The following HERC2 variants were observed in gnomAD, a reference collection of about 807,000 sequenced individuals.
HERC2 encodes E3 ubiquitin-protein ligase HERC2.
HERC2 carries 102 observed loss-of-function variants against 537.7 expected under a neutral mutation model. The observed-to-expected ratio is 0.19, with a 90% CI of 0.16 to 0.22. The LOEUF (loss-of-function observed/expected upper bound fraction) is 0.22. Among genes scored for constraint, HERC2 ranks in the 10% least tolerant of loss-of-function variants. HERC2 has a pLI of 1.00. For missense variants in HERC2, 4,236 were observed against 6,198.2 expected (o/e 0.68, Z 10.63); for synonymous variants, 2,224 against 2,466.2 (o/e 0.90, Z 2.91).
chr15:28,304,261 A>C (rs540718252), intron 2 of HERC2, among the ~76,000 whole-genome samples: 1 of 151,226 alleles, frequency 6.6e-6, no homozygotes, highest in Non-Finnish European at 1.5e-5. Flanking sequence ...TATCAGTTCT[A>C]ATCATTTTTT....
intron 45 of HERC2, 36 bp from the exon 46 acceptor site, chr15:28,202,650 G>A: frequency 2.0e-6 from 1 of 512,606 alleles, no homozygotes; most frequent in African/African-American, 3.7e-5. Flanking sequence ...GATTTGGGAA[G>A]TGCCCTCAGC....
chr15:28,185,087 G>C (rs1896175875), intron 56 of HERC2, among the ~76,000 whole-genome samples: 1 of 150,358 alleles, frequency 6.7e-6, no homozygotes, highest in Non-Finnish European at 1.5e-5. Context: ...ATATATTCTA[G>C]ATAAGGTAAT....
intron 17 of HERC2, among the ~76,000 whole-genome samples, chr15:28,256,740 G>T (rs113099644): frequency 3.3e-5 from 5 of 151,992 alleles, no homozygotes; most frequent in Admixed American, 6.6e-5. Flanking sequence ...AACTACAGGC[G>T]CCCGCCACCA....
At chr15:28,190,707 C>A in intron 55 of HERC2, 1 of 515,736 alleles carries the variant, frequency 1.9e-6, no homozygotes, top group Non-Finnish European at 3.4e-6. Context: ...AAAACTTTTG[C>A]TAGGAGCAGT....
chr15:28,272,456 A>G, intron 8 of HERC2, 70 bp from the exon 9 acceptor site: 2 of 1,362,874 alleles, frequency 1.5e-6, no homozygotes, highest in Admixed American at 4.0e-5. Flanking sequence ...GATCAAAAAT[A>G]AAAGCAAATA....
chr15:28,241,207 G>A lies in HERC2; in HGVS notation c.3578-2435C>T, dbSNP rs530138737. On this transcript the variant is annotated intron_variant, in intron 23 of 92. Transcript: ENST00000261609. The stretch of plus-strand genomic sequence containing the variant: ...AGACAAAAAACCCAATTAAAACACG[G>A]GCAAAAGACTTGAATATGCATTTCT... Among the ~76,000 whole-genome samples, 35 of 151,946 alleles carry A rather than the reference G, an allele frequency of 2.3e-4. No individual in the cohort carries two copies. In the South Asian group the frequency reaches 2.5e-3, roughly 11 times the overall value.
intron 44 of HERC2, among the ~76,000 whole-genome samples, chr15:28,209,939 T>TA (rs1898958275): frequency 2.9e-5 from 3 of 104,528 alleles, no homozygotes; most frequent in Non-Finnish European, 2.0e-5. Context: ...GAATACATTA[T>TA]CTTTTTTTTT....
chr15:28,290,944 C>G (rs1426323615), intron 4 of HERC2, among the ~76,000 whole-genome samples: 1 of 151,634 alleles, frequency 6.6e-6, no homozygotes, highest in Admixed American at 6.6e-5. Flanking sequence ...CCAAAGCCAG[C>G]AGAAAAAAGG....
At chr15:28,134,764 G>A (rs1356843044) in intron 79 of HERC2, among the ~76,000 whole-genome samples, 5 of 148,540 alleles carry the variant, frequency 3.4e-5, no homozygotes, top group Non-Finnish European at 3.0e-5. Flanking sequence ...GTGCAGTGGC[G>A]CAATCTCGGC....
intron 57 of HERC2, 62 bp from the exon 58 acceptor site, chr15:28,179,285 TTA>T (rs1336717836): frequency 4.2e-6 from 5 of 1,201,732 alleles, no homozygotes; most frequent in Non-Finnish European, 4.8e-6. Context: ...ATGTTTAAAA[TTA>T]TGTTACCTTA....
intron 59 of HERC2, among the ~76,000 whole-genome samples, chr15:28,178,651 G>T (rs1895526116): frequency 6.6e-6 from 1 of 152,100 alleles, no homozygotes; most frequent in Non-Finnish European, 1.5e-5. Context: ...ATGGTTTTGG[G>T]AATCTGAAGA....
In HERC2 at chr15:28,233,244, T is replaced by C. The variant is rs751990564; in HGVS notation, c.4577A>G (p.Asn1526Ser). The C allele has an allele frequency of 1.4e-5, 22 of 1,589,206 alleles. No homozygotes were observed. In the South Asian group the frequency reaches 1.7e-4, roughly 12 times the overall value. ...AAACTTAGACATTATAGAGAGGTCA[T>C]TACAAACAGCAGGTCTCAATTCATT... Reference protein sequence around the residue: ...LFNELRPAVCNDLSIMSKFKL... With the variant: ...LFNELRPAVCSDLSIMSKFKL... Residue 1526 changes from asparagine (N) to serine (S), a missense_variant, in exon 30 of 93, where the codon AAT (asparagine) becomes AGT (serine). Physicochemically the swap from Asn to Ser is conservative, Grantham distance 46. This residue lies in a region of HERC2 where 343 missense variants were observed against 417.2 expected (regional missense o/e 0.82). Transcript: ENST00000261609.
rs147450103 is a variant in HERC2 at position 28,132,139 on chromosome 15, G to A, written c.12531C>T (p.Leu4177=). Residue 4177 remains leucine (L), a synonymous_variant, in exon 81 of 93, where the codon CTC becomes CTT. Coordinates refer to ENST00000261609, the MANE Select transcript of HERC2 (RefSeq NM_004667.6). The stretch of plus-strand genomic sequence containing the variant: ...TACAGCCATCGCTGCCTCCCCGGCC[G>A]AGCTTGCCGTAGTCCCCGTCCCCCC... ...WSWGDGDYGK[L]GRGGSDGCKV... The A allele has an allele frequency of 2.7e-5, 43 of 1,612,494 alleles. No individual in the cohort carries two copies. The highest frequency in any genetic ancestry group is 9.4e-5 in the African/African-American group (7 of 74,862).
intron 69 of HERC2, among the ~76,000 whole-genome samples, chr15:28,159,519 C>T (rs963221252): frequency 6.6e-6 from 1 of 152,198 alleles, no homozygotes; most frequent in Non-Finnish European, 1.5e-5. Context: ...TCCAGGTGAT[C>T]GAATTGGCTA....
chr15:28,132,975 G>A, intron 79 of HERC2, 145 bp from the exon 80 acceptor site: 1 of 653,018 alleles, frequency 1.5e-6, no homozygotes, highest in South Asian at 3.3e-5. Context: ...AAACTCAAAA[G>A]TTCACCACTT....
At chr15:28,318,093 C>T (rs1025325857) in intron 2 of HERC2, among the ~76,000 whole-genome samples, 20 of 152,134 alleles carry the variant, frequency 1.3e-4, no homozygotes, top group Non-Finnish European at 2.5e-4. Context: ...AACTGGCGAA[C>T]AGGCATGTGT....
Position 28,201,458 on chromosome 15 carries a change from G to C in HERC2, c.7714C>G (p.Gln2572Glu), listed in dbSNP as rs748922228. Residue 2572 changes from glutamine to glutamate, a missense_variant and splice_region_variant, in exon 48 of 93, where the codon CAG becomes GAG. This residue lies in a region of HERC2 where 606 missense variants were observed against 884.5 expected (regional missense o/e 0.69). Coordinates refer to ENST00000261609, the MANE Select transcript of HERC2 (RefSeq NM_004667.6). ...DYAVYVRENI[Q>E]VGMMVRCCRA... ...TCCAGCTTAAGACAATTACTCACCT[G>C]AATATTCTCTCTCACATATACAGCA... 1 of 1,578,310 alleles carries C rather than the reference G, an allele frequency of 6.3e-7. No homozygotes were observed. Among genetic ancestry groups the C allele is most frequent in the African/African-American group, 1.3e-5 (1 of 74,258 alleles).
At chr15:28,116,330 C>T (rs1254338428) in intron 88 of HERC2, among the ~76,000 whole-genome samples, 1 of 151,646 alleles carries the variant, frequency 6.6e-6, no homozygotes, top group Non-Finnish European at 1.5e-5. Flanking sequence ...TCTCCTGCCT[C>T]ACCCTCCTGA....
chr15:28,274,308 G>C lies in HERC2; in HGVS notation c.783C>G (p.Leu261=). 1 of 1,614,232 alleles carries C rather than the reference G, an allele frequency of 6.2e-7. No homozygotes were observed. Among genetic ancestry groups the C allele is most frequent in the Non-Finnish European group, 8.5e-7 (1 of 1,180,032 alleles). The change falls in exon 7 of 93, where the codon CTC becomes CTG. Residue 261 remains leucine (L), a synonymous_variant. Coordinates refer to ENST00000261609, the MANE Select transcript of HERC2 (RefSeq NM_004667.6). The part of the protein sequence containing the change: ...LEVVERATRF[L]RSVVTGDVHG... ...GAACTCACCCCGTCACGACGGACCT[G>C]AGGAACCTGGTCGCTCTCTCCACCA...
Sources: gnomAD v4.1 joint callset for allele counts (sites outside exome capture counted in the v4.1 genomes callset) on GRCh38, gnomAD v4.1.1 for gene constraint, gnomAD v4.1.1 regional missense constraint, MANE v1.5 for transcripts, NCBI Gene and HGNC (gene_info 2026-07-23, HGNC 2026-07-21) for gene names.